Variants in FRMD4A observed in about 807,000 individuals in gnomAD.
FRMD4A encodes the protein FERM domain-containing protein 4A.
Under a neutral mutation model 129.1 loss-of-function variants are expected in FRMD4A, and 29 were observed. The ratio of observed to expected loss-of-function variants is 0.22; its 90% CI spans 0.17 to 0.31. The LOEUF is 0.31. FRMD4A is among the 10% of genes least tolerant of loss of function. The pLI, the probability that FRMD4A is intolerant of heterozygous loss-of-function variation, is 1.00. For missense variants in FRMD4A, 1,272 were observed against 1,375.8 expected (o/e 0.92, Z 1.19); for synonymous variants, 634 against 571.6 (o/e 1.11, Z -1.56).
At chr10:14,323,573 T>C (rs1045627603) in intron 2 of FRMD4A, among the ~76,000 whole-genome samples, 2 of 45,572 alleles carry the variant, frequency 4.4e-5, no homozygotes, top group Admixed American at 6.2e-4. Flanking sequence ...CTGTAATGGG[T>C]ATCTATCCTT....
intron 2 of FRMD4A, among the ~76,000 whole-genome samples, chr10:13,963,579 T>C (rs1225145920): frequency 6.6e-6 from 1 of 152,214 alleles, no homozygotes; most frequent in Non-Finnish European, 1.5e-5. Context: ...AATTGTCCTT[T>C]ATTAGGAGAA....
chr10:13,777,019 C>T (rs2092611313), intron 6 of FRMD4A, among the ~76,000 whole-genome samples: 1 of 152,226 alleles, frequency 6.6e-6, no homozygotes, highest in Admixed American at 6.5e-5. Flanking sequence ...TGGTTAGAGC[C>T]TTATAACATC....
intron 16 of FRMD4A, among the ~76,000 whole-genome samples, chr10:13,673,578 G>A (rs745498820): frequency 4.1e-5 from 6 of 147,718 alleles, no homozygotes; most frequent in Non-Finnish European, 7.4e-5. Flanking sequence ...ATGTGCATGC[G>A]TGCGCGCGCG....
At chr10:13,917,284 ATTT>A (rs34360967) in intron 2 of FRMD4A, among the ~76,000 whole-genome samples, 3 of 141,456 alleles carry the variant, frequency 2.1e-5, no homozygotes, top group Non-Finnish European at 3.0e-5. Context: ...TCCATCACAG[ATTT>A]TTTTTTTTTT....
intron 2 of FRMD4A, among the ~76,000 whole-genome samples, chr10:14,175,304 T>C (rs1461224326): frequency 6.6e-6 from 1 of 152,100 alleles, no homozygotes; most frequent in Admixed American, 6.5e-5. Context: ...ATTCTTGTAC[T>C]CACAAGACAT....
At chr10:13,783,400 C>A (rs12357701) in intron 5 of FRMD4A, among the ~76,000 whole-genome samples, 1 of 150,958 alleles carries the variant, frequency 6.6e-6, no homozygotes, top group African/African-American at 2.4e-5. Flanking sequence ...CCTTTTTTTT[C>A]TTTTTTTAGA....
intron 2 of FRMD4A, among the ~76,000 whole-genome samples, chr10:13,957,509 C>T (rs61837398): frequency 9.2e-5 from 14 of 152,306 alleles, no homozygotes; most frequent in Non-Finnish European, 1.5e-4. Context: ...CCCGCCTCAG[C>T]CTCCCAAAGT....
intron 2 of FRMD4A, among the ~76,000 whole-genome samples, chr10:14,296,564 A>G (rs1041848788): frequency 5.9e-5 from 9 of 152,216 alleles, no homozygotes; most frequent in African/African-American, 2.2e-4. Flanking sequence ...CACGCATACC[A>G]GTGAAATGGG....
chr10:13,765,110 T>C (rs369813435), intron 6 of FRMD4A, among the ~76,000 whole-genome samples: 1 of 143,548 alleles, frequency 7.0e-6, no homozygotes, highest in Non-Finnish European at 1.5e-5. Context: ...GATTTTTTTT[T>C]TTTGTTTTTT....
At chr10:13,837,718 T>C (rs189198180) in intron 3 of FRMD4A, among the ~76,000 whole-genome samples, 3 of 152,356 alleles carry the variant, frequency 2.0e-5, no homozygotes, top group Admixed American at 2.0e-4. Flanking sequence ...GATGTGAATA[T>C]TGTACCATCA....
chr10:13,653,886 G>A (rs949008814), intron 23 of FRMD4A: 1 of 164,972 alleles, frequency 6.1e-6, no homozygotes, highest in Non-Finnish European at 1.3e-5. Flanking sequence ...TAATTTTGTT[G>A]TGTGCAGCTT....
chr10:13,909,953 G>GT (rs2131222651), intron 2 of FRMD4A, among the ~76,000 whole-genome samples: 1 of 152,322 alleles, frequency 6.6e-6, no homozygotes, highest in South Asian at 2.1e-4. Context: ...AAAAAGCACT[G>GT]TAATTAAAGG....
At position 14,193,749 on chromosome 10, in the gene FRMD4A, A is replaced by G. The variant is rs369391529; in HGVS notation, c.45+136309T>C. 7.2e-5 allele frequency among the ~76,000 whole-genome samples: 11 copies of G among 151,964 alleles called. No individual in the cohort carries two copies. The East Asian group carries it at 1.7e-3, about 24-fold the overall frequency. On this transcript the variant is annotated intron_variant, in intron 2 of 24. Coordinates refer to ENST00000357447, the MANE Select transcript of FRMD4A (RefSeq NM_018027.5). ...ATAACAAATACATATGCCTAGAGAT[A>G]CTGCTTTGATGTTCTATGTCAACTC...
At chr10:13,654,274 G>C (rs2081943785) in intron 23 of FRMD4A, 142 bp downstream of exon 23, 3 of 685,552 alleles carry the variant, frequency 4.4e-6, no homozygotes, top group Non-Finnish European at 5.3e-6. Flanking sequence ...AGCAGATCAT[G>C]GGGCTTCTCT....
At chr10:14,028,373 A>C (rs1190291659) in intron 2 of FRMD4A, among the ~76,000 whole-genome samples, 2 of 152,278 alleles carry the variant, frequency 1.3e-5, no homozygotes, top group East Asian at 1.9e-4. Flanking sequence ...TTTCTTGGGA[A>C]ATATGAATGT....
intron 2 of FRMD4A, among the ~76,000 whole-genome samples, chr10:14,068,228 A>T (rs1047422116): frequency 2.0e-5 from 3 of 152,160 alleles, no homozygotes; most frequent in Admixed American, 2.0e-4. Context: ...GTTGGGGCAG[A>T]GGCTCAGCTG....
At chr10:14,034,355 T>C (rs543571138) in intron 2 of FRMD4A, among the ~76,000 whole-genome samples, 2 of 152,314 alleles carry the variant, frequency 1.3e-5, no homozygotes, top group African/African-American at 4.8e-5. Flanking sequence ...CGCACGTCCC[T>C]GACTATTGCT....
At chr10:13,760,227 T>C (rs1398588841) in intron 8 of FRMD4A, among the ~76,000 whole-genome samples, 1 of 152,072 alleles carries the variant, frequency 6.6e-6, no homozygotes, top group Non-Finnish European at 1.5e-5. Flanking sequence ...AAACTCAAGA[T>C]ACTGACAATC....
intron 2 of FRMD4A, among the ~76,000 whole-genome samples, chr10:13,935,397 T>A (rs1263226667): frequency 7.5e-6 from 1 of 133,418 alleles, no homozygotes; most frequent in African/African-American, 2.9e-5. Context: ...AAGATCATGC[T>A]ATTGCACTAT....
Sources: gnomAD v4.1 joint callset for allele counts (sites outside exome capture counted in the v4.1 genomes callset) on GRCh38, gnomAD v4.1.1 for gene constraint, MANE v1.5 for transcripts, NCBI Gene and HGNC (gene_info 2026-07-23, HGNC 2026-07-21) for gene names.